Variants in ADGRB3 observed in about 807,000 individuals in gnomAD.
ADGRB3 encodes brain-specific angiogenesis inhibitor 3.
In ADGRB3, 37 loss-of-function variants were observed where a neutral mutation model predicts 193.4. The ratio of observed to expected loss-of-function variants is 0.19; its 90% CI spans 0.15 to 0.25. The LOEUF is 0.25. ADGRB3 is among the 10% of genes least tolerant of loss of function. The pLI is 1.00. For missense variants in ADGRB3, 1,637 were observed against 1,852.9 expected (o/e 0.88, Z 2.14); for synonymous variants, 690 against 644.2 (o/e 1.07, Z -1.08).
chr6:69,016,030 C>T (rs1438344625), intron 12 of ADGRB3, among the ~76,000 whole-genome samples: 1 of 151,894 alleles, frequency 6.6e-6, no homozygotes, highest in Non-Finnish European at 1.5e-5. Context: ...TGAGCCAAAT[C>T]CAGCTTGAGG....
chr6:68,942,903 G>T (rs773544162), intron 5 of ADGRB3, among the ~76,000 whole-genome samples: 23 of 152,168 alleles, frequency 1.5e-4, no homozygotes, highest in Non-Finnish European at 2.9e-4. Flanking sequence ...GAGCCACCAC[G>T]CCCAGCCTAA....
chr6:69,355,412 C>G (rs544858191), intron 27 of ADGRB3, among the ~76,000 whole-genome samples: 1 of 152,246 alleles, frequency 6.6e-6, no homozygotes, highest in African/African-American at 2.4e-5. Flanking sequence ...TGTTACATTA[C>G]AAGCAATATA....
chr6:68,862,419 A>C (rs1765182567), intron 3 of ADGRB3, among the ~76,000 whole-genome samples: 1 of 152,202 alleles, frequency 6.6e-6, no homozygotes, highest in Non-Finnish European at 1.5e-5. Flanking sequence ...TCATTACACA[A>C]GCAATAACAG....
intron 3 of ADGRB3, among the ~76,000 whole-genome samples, chr6:68,852,944 T>A (rs1474810400): frequency 6.6e-6 from 1 of 152,036 alleles, no homozygotes; most frequent in African/African-American, 2.4e-5. Flanking sequence ...ATGGAAACAA[T>A]GTCACCTTTG....
Position 68,951,262 on chromosome 6 carries a change from A to G in ADGRB3, c.1196-4762A>G, listed in dbSNP as rs1351094771. On this transcript the variant is annotated intron_variant, in intron 6 of 31. Transcript: ENST00000370598. Reference sequence around the variant, plus strand: ...AACACTAATGTCATTTTATTGAATAAGAAAAAAGTGGAGGTCAGGGAGGCT... The same window carrying G: ...AACACTAATGTCATTTTATTGAATAGGAAAAAAGTGGAGGTCAGGGAGGCT... Among the ~76,000 whole-genome samples, 3 of 152,200 alleles carry G rather than the reference A, an allele frequency of 2.0e-5. No homozygotes were observed. In the East Asian group the frequency reaches 5.8e-4, roughly 29 times the overall value.
intron 3 of ADGRB3, among the ~76,000 whole-genome samples, chr6:68,645,368 A>G (rs1456144789): frequency 3.3e-5 from 5 of 152,288 alleles, no homozygotes; most frequent in South Asian, 2.1e-4. Context: ...AAAATTAATG[A>G]CTTGGAATAT....
At chr6:68,701,513 G>A (rs1435067461) in intron 3 of ADGRB3, among the ~76,000 whole-genome samples, 1 of 152,144 alleles carries the variant, frequency 6.6e-6, no homozygotes, top group Admixed American at 6.6e-5. Flanking sequence ...ACCTTCTTGT[G>A]ATGTATATAT....
At chr6:69,154,534 C>G (rs986465173) in intron 17 of ADGRB3, among the ~76,000 whole-genome samples, 1 of 152,158 alleles carries the variant, frequency 6.6e-6, no homozygotes, top group Non-Finnish European at 1.5e-5. Flanking sequence ...TTTGTTCCAT[C>G]TGCCTAGAAT....
chr6:69,123,049 C>T (rs1032499119), intron 17 of ADGRB3, among the ~76,000 whole-genome samples: 2 of 148,048 alleles, frequency 1.4e-5, no homozygotes, highest in African/African-American at 2.5e-5. Context: ...CAGCTTGGTT[C>T]GGCCATATTT....
intron 26 of ADGRB3, among the ~76,000 whole-genome samples, chr6:69,346,427 G>C (rs72915020): frequency 0.036 from 5,429 of 151,752 alleles, 130 homozygotes; most frequent in Non-Finnish European, 0.053. Flanking sequence ...CCGACCTATG[G>C]AATGGGAGAA....
In ADGRB3 at chr6:69,276,408, A is replaced by C. The variant is rs149686602; in HGVS notation, c.2814+37182A>C. ...GTTTTTAACAGGAAGCAAATAAACA[A>C]CCTCTCAAATATAAGTCATTCCATA... On this transcript the variant is annotated intron_variant, in intron 20 of 31. Coordinates refer to ENST00000370598, the MANE Select transcript of ADGRB3 (RefSeq NM_001704.3). Among the ~76,000 whole-genome samples the C allele has an allele frequency of 1.3e-3, 197 of 152,324 alleles. 1 individual carries two copies. Among genetic ancestry groups the C allele is most frequent in the African/African-American group, 4.5e-3 (188 of 41,566 alleles).
At chr6:69,156,396 G>A (rs1234227790) in intron 17 of ADGRB3, among the ~76,000 whole-genome samples, 1 of 152,212 alleles carries the variant, frequency 6.6e-6, no homozygotes, top group Non-Finnish European at 1.5e-5. Context: ...GGAGCCCTGT[G>A]AAGAGATGGG....
chr6:69,022,318 A>G (rs989453329), intron 13 of ADGRB3, among the ~76,000 whole-genome samples: 1 of 151,876 alleles, frequency 6.6e-6, no homozygotes, highest in African/African-American at 2.4e-5. Context: ...AATAATTTTA[A>G]AAATGTATTA....
chr6:68,815,770 A>C (rs910483886), intron 3 of ADGRB3, among the ~76,000 whole-genome samples: 2 of 152,128 alleles, frequency 1.3e-5, no homozygotes, highest in African/African-American at 4.8e-5. Flanking sequence ...AATTTATATT[A>C]AAGATAAACA....
At chr6:68,778,850 A>T (rs1426131455) in intron 3 of ADGRB3, among the ~76,000 whole-genome samples, 1 of 152,004 alleles carries the variant, frequency 6.6e-6, no homozygotes, top group Admixed American at 6.6e-5. Flanking sequence ...CTTAACCCAA[A>T]CAGTATGATC....
intron 16 of ADGRB3, among the ~76,000 whole-genome samples, chr6:69,068,298 A>G (rs1001607702): frequency 6.6e-6 from 1 of 152,208 alleles, no homozygotes; most frequent in Non-Finnish European, 1.5e-5. Context: ...ACCCCATATA[A>G]TTAGTATTAG....
rs531615088 is a variant in ADGRB3 at position 69,112,338 on chromosome 6, G to C, written c.2480+36300G>C. 2.6e-5 allele frequency among the ~76,000 whole-genome samples: 4 copies of C among 152,296 alleles called. No homozygotes were observed. In the East Asian group the frequency reaches 7.7e-4, roughly 29 times the overall value. The stretch of plus-strand genomic sequence containing the variant: ...TAAACAGTTTCTTTTAGGAATTATG[G>C]TTTGATAATTGTTTATCCTGTTTTC... On this transcript the variant is annotated intron_variant, in intron 17 of 31. Transcript: ENST00000370598.
intron 20 of ADGRB3, among the ~76,000 whole-genome samples, chr6:69,261,535 T>C (rs762868601): frequency 1.1e-4 from 16 of 152,256 alleles, no homozygotes; most frequent in Non-Finnish European, 1.3e-4. Flanking sequence ...AGTAAAATTA[T>C]TCAAGTGTTT....
intron 29 of ADGRB3, among the ~76,000 whole-genome samples, chr6:69,370,315 T>C (rs1769681141): frequency 6.6e-6 from 1 of 152,192 alleles, no homozygotes. Flanking sequence ...TGAATAACTT[T>C]ACACACATTT....
Sources: gnomAD v4.1 joint callset for allele counts (sites outside exome capture counted in the v4.1 genomes callset) on GRCh38, gnomAD v4.1.1 for gene constraint, MANE v1.5 for transcripts, NCBI Gene and HGNC (gene_info 2026-07-23, HGNC 2026-07-21) for gene names.